Variants in TAFA2 observed in about 807,000 individuals in gnomAD.
The protein encoded by TAFA2 is TAFA chemokine like family member 2.
A neutral mutation model predicts 18.8 loss-of-function variants in TAFA2; 7 were observed. The observed-to-expected ratio is 0.37, with a 90% CI of 0.21 to 0.70. The LOEUF (loss-of-function observed/expected upper bound fraction) is 0.70. TAFA2 is among the 30% of genes least tolerant of loss of function. TAFA2 has a pLI of 0.53. For missense variants in TAFA2, 122 were observed against 158.1 expected (o/e 0.77, Z 1.23); for synonymous variants, 60 against 54.2 (o/e 1.11, Z -0.47).
rs570340349 is a variant in TAFA2, at chr12:61,919,467, G to T, written c.-1-52041C>A. Among the ~76,000 whole-genome samples, 5 of 152,232 alleles carry T rather than the reference G, an allele frequency of 3.3e-5. No homozygotes were observed. The South Asian group carries it at 1.0e-3, about 32-fold the overall frequency. On this transcript the variant is annotated intron_variant, in intron 1 of 4. Coordinates refer to ENST00000416284, the MANE Select transcript of TAFA2 (RefSeq NM_178539.5). ...ATTTTGTGGAAGTTTATAGTACAAGGATTGGGAAATTAGTCAATTTAGGTA... is the reference window on the plus strand; with the variant it reads ...ATTTTGTGGAAGTTTATAGTACAAGTATTGGGAAATTAGTCAATTTAGGTA...
chr12:62,192,821 TGAG>T (rs1283775908), upstream of TAFA2: 2 of 152,270 alleles, frequency 1.3e-5, no homozygotes, highest in Admixed American at 6.5e-5. Context: ...CAGTAAAAGA[TGAG>T]GAGGCAACTG....
At chr12:61,763,613 T>A (rs560347630) in intron 2 of TAFA2, among the ~76,000 whole-genome samples, 7 of 151,972 alleles carry the variant, frequency 4.6e-5, no homozygotes, top group Admixed American at 4.6e-4. Context: ...CTGAAATCCA[T>A]CTCTTCAGAA....
intron 4 of TAFA2, among the ~76,000 whole-genome samples, chr12:61,751,406 A>G (rs192523740): frequency 6.6e-6 from 1 of 152,156 alleles, no homozygotes; most frequent in African/African-American, 2.4e-5. Context: ...CTTGTGAAAG[A>G]ATAAAAGGAT....
chr12:61,823,038 T>C (rs900485006), intron 2 of TAFA2, among the ~76,000 whole-genome samples: 13 of 146,832 alleles, frequency 8.9e-5, no homozygotes, highest in Non-Finnish European at 1.8e-4. Context: ...TTTTAGTTAT[T>C]TTTTTATTCT....
At chr12:61,811,204 T>C (rs1170046491) in intron 2 of TAFA2, among the ~76,000 whole-genome samples, 1 of 151,562 alleles carries the variant, frequency 6.6e-6, no homozygotes. Flanking sequence ...ATTTTTATAA[T>C]TTGGCTAACA....
intron 2 of TAFA2, among the ~76,000 whole-genome samples, chr12:61,834,989 G>C (rs1039596450): frequency 6.6e-6 from 1 of 151,514 alleles, no homozygotes; most frequent in Non-Finnish European, 1.5e-5. Flanking sequence ...CTTCCTCTGT[G>C]ACTATGATAC....
intron 2 of TAFA2, among the ~76,000 whole-genome samples, chr12:61,864,404 A>T (rs1046457965): frequency 5.4e-5 from 8 of 148,448 alleles, no homozygotes; most frequent in Non-Finnish European, 3.0e-5. Flanking sequence ...TGGTGTGTAT[A>T]TATATATTTC....
At chr12:62,121,281 A>G (rs533603687) in intron 1 of TAFA2, among the ~76,000 whole-genome samples, 2 of 152,192 alleles carry the variant, frequency 1.3e-5, no homozygotes, top group South Asian at 4.1e-4. Flanking sequence ...CTGCCGGGGG[A>G]GTGAGTATCA....
intron 1 of TAFA2, among the ~76,000 whole-genome samples, chr12:62,149,901 T>G (rs1355555428): frequency 6.6e-6 from 1 of 152,172 alleles, no homozygotes; most frequent in Non-Finnish European, 1.5e-5. Context: ...CTGTTGAAGA[T>G]ACCATCCATC....
chr12:61,783,343 C>T (rs1164049641), intron 2 of TAFA2, among the ~76,000 whole-genome samples: 1 of 151,634 alleles, frequency 6.6e-6, no homozygotes, highest in Non-Finnish European at 1.5e-5. Flanking sequence ...TTTGACTTCA[C>T]ATGTCTAATT....
intron 2 of TAFA2, among the ~76,000 whole-genome samples, chr12:61,833,776 T>G (rs1320131617): frequency 6.6e-6 from 1 of 152,008 alleles, no homozygotes; most frequent in African/African-American, 2.4e-5. Flanking sequence ...TGATTCCCTA[T>G]TCAAAGATGC....
chr12:62,069,258 G>A (rs1388742709), intron 1 of TAFA2, among the ~76,000 whole-genome samples: 2 of 152,072 alleles, frequency 1.3e-5, no homozygotes, highest in South Asian at 2.1e-4. Context: ...AATGGCATAG[G>A]GGCAGGAAAG....
chr12:61,942,393 A>C (rs1289577343), intron 1 of TAFA2, among the ~76,000 whole-genome samples: 3 of 151,634 alleles, frequency 2.0e-5, no homozygotes, highest in Non-Finnish European at 4.4e-5. Context: ...AAACGCAGAG[A>C]GCCTCTCCTC....
At chr12:61,880,156 T>G (rs1218041084) in intron 1 of TAFA2, 1 of 562,802 alleles carries the variant, frequency 1.8e-6, no homozygotes, top group Admixed American at 2.4e-5. Context: ...GGGCTAAGGC[T>G]GACAGCATGT....
chr12:61,941,163 T>G (rs1877988773), intron 1 of TAFA2, among the ~76,000 whole-genome samples: 1 of 152,188 alleles, frequency 6.6e-6, no homozygotes, highest in Non-Finnish European at 1.5e-5. Context: ...GATATATTGT[T>G]ACCATAAACA....
At chr12:62,131,440 T>C (rs1870681682) in intron 1 of TAFA2, among the ~76,000 whole-genome samples, 1 of 152,040 alleles carries the variant, frequency 6.6e-6, no homozygotes, top group Non-Finnish European at 1.5e-5. Flanking sequence ...TAAAAAGTCC[T>C]GGAATTACAG....
intron 1 of TAFA2, among the ~76,000 whole-genome samples, chr12:61,926,917 G>A (rs905142798): frequency 2.0e-5 from 3 of 151,456 alleles, no homozygotes; most frequent in Non-Finnish European, 4.4e-5. Context: ...CTTTAAAAAA[G>A]TACCAAAATT....
intron 2 of TAFA2, among the ~76,000 whole-genome samples, chr12:61,823,360 A>C (rs1872400625): frequency 6.6e-6 from 1 of 152,024 alleles, no homozygotes; most frequent in South Asian, 2.1e-4. Flanking sequence ...CTGTGATATC[A>C]ATTTTAAATG....
intron 1 of TAFA2, chr12:61,880,192 G>A (rs1014037157): frequency 1.5e-5 from 8 of 522,558 alleles, no homozygotes; most frequent in Middle Eastern, 1.1e-3. Context: ...AGGACCTGCA[G>A]ATGCTGGCCA....
Sources: allele counts gnomAD v4.1 joint callset (sites outside exome capture counted in the v4.1 genomes callset), GRCh38; gene constraint gnomAD v4.1.1; transcripts MANE v1.5; gene names NCBI Gene and HGNC (gene_info 2026-07-23, HGNC 2026-07-21).